Variants in SPTAN1 observed in about 807,000 individuals in gnomAD.
The protein encoded by SPTAN1 is spectrin alpha chain, non-erythrocytic 1.
A neutral mutation model predicts 331.3 loss-of-function variants in SPTAN1; 61 were observed. The ratio of observed to expected loss-of-function variants is 0.18; its 90% confidence interval spans 0.15 to 0.23. SPTAN1 has a LOEUF of 0.23. Among genes scored for constraint, SPTAN1 ranks in the 10% least tolerant of loss-of-function variants. The pLI, the probability that SPTAN1 is intolerant of heterozygous loss-of-function variation, is 1.00. For missense variants in SPTAN1, 2,043 were observed against 3,147.9 expected, an observed-to-expected ratio of 0.65 and a Z score of 8.40; for synonymous variants, 1,153 against 1,173.9, an observed-to-expected ratio of 0.98 and a Z score of 0.36.
chr9:128,585,871 A>G lies in SPTAN1; in HGVS notation c.2684A>G (p.Tyr895Cys). 1 of 1,614,100 alleles carries G rather than the reference A, an allele frequency of 6.2e-7. No individual in the cohort carries two copies. Among genetic ancestry groups the G allele is most frequent in the African/African-American group, 1.3e-5 (1 of 75,026 alleles). The change falls in exon 19 of 57, where the codon TAC (tyrosine) becomes TGC (cysteine). Residue 895 changes from tyrosine to cysteine, a missense_variant. Physicochemically the swap from Tyr to Cys is radical, Grantham distance 194. Around this residue, in one of 12 missense-constraint regions of SPTAN1, gnomAD observed 1,038 missense variants for 1,531.5 expected, o/e 0.68. Transcript: ENST00000372739. ...DLEDSLQAQQ[Y>C]FADANEAESW... ...GAGGACTCTCTGCAGGCCCAGCAGT[A>G]CTTTGCTGATGCTAACGAGGCTGAA...
chr9:128,560,961 AACCCAGATAGCATCACTGC>A (rs1179968095), intron 1 of SPTAN1, among the ~76,000 whole-genome samples: 4 of 135,656 alleles, frequency 2.9e-5, no homozygotes, highest in Non-Finnish European at 6.1e-5. Context: ...TGTTGCTGTG[AACCCAGATAGCATCACTGC>A]ACTCCAGCCT....
Position 128,617,951 on chromosome 9 carries a change from C to G in SPTAN1, c.5479-36C>G, listed in dbSNP as rs202015283. The stretch of plus-strand genomic sequence containing the variant: ...CTTCGAGACAGAAGCACCAGAAGAG[C>G]TACCTGCTGTTAACCTCCTCGTCCT... On this transcript the variant is annotated intron_variant, in intron 42 of 56. Coordinates refer to ENST00000372739, the MANE Select transcript of SPTAN1 (RefSeq NM_001130438.3). 1,412 of 1,614,136 alleles carry G rather than the reference C, an allele frequency of 8.7e-4. 1 individual carries two copies. The highest frequency in any genetic ancestry group is 1.7e-3 in the South Asian group (153 of 91,036).
At chr9:128,559,577 T>G (rs1029495120) in intron 1 of SPTAN1, among the ~76,000 whole-genome samples, 1 of 152,110 alleles carries the variant, frequency 6.6e-6, no homozygotes, top group South Asian at 2.1e-4. Context: ...CTTGGAAAAT[T>G]TCTTTACAAG....
intron 17 of SPTAN1, 22 bp from the exon 18 acceptor site, chr9:128,584,699 G>A (rs370439128): frequency 3.7e-5 from 60 of 1,614,076 alleles, no homozygotes; most frequent in Non-Finnish European, 4.6e-5. Context: ...TTGGATAACT[G>A]GGGACTGGTG....
chr9:128,613,862 G>A (rs898490039), intron 40 of SPTAN1, among the ~76,000 whole-genome samples: 5 of 151,964 alleles, frequency 3.3e-5, no homozygotes, highest in East Asian at 1.9e-4. Flanking sequence ...AAAATTAGCC[G>A]GGCGTGGTGG....
intron 22 of SPTAN1, among the ~76,000 whole-genome samples, chr9:128,592,424 GC>G (rs1853656952): frequency 6.6e-6 from 1 of 152,066 alleles, no homozygotes; most frequent in Non-Finnish European, 1.5e-5. Context: ...GCTGGCACAT[GC>G]CACCATGCCC....
chr9:128,594,095 C>T, intron 23 of SPTAN1, 80 bp from the exon 24 acceptor site: 2 of 1,349,078 alleles, frequency 1.5e-6, no homozygotes, highest in East Asian at 2.3e-5. Flanking sequence ...CTTGGAGACA[C>T]CTCGTGGTTT....
rs189339906 is a variant in SPTAN1 at position 128,620,365 on chromosome 9, T to G, written c.5734-793T>G. 3.8e-3 allele frequency among the ~76,000 whole-genome samples: 582 copies of G among 152,268 alleles called. 7 individuals carry two copies. The highest frequency in any genetic ancestry group is 0.013 in the African/African-American group (560 of 41,534). On this transcript the variant is annotated intron_variant, in intron 44 of 56. Transcript: ENST00000372739. ...CAGTCATTTCCCATCCTCTGCATAG[T>G]TGAGTTCCCTGGAAGCAACCAAAAA...
At chr9:128,624,078 C>T (rs1016946628) in intron 45 of SPTAN1, among the ~76,000 whole-genome samples, 2 of 121,250 alleles carry the variant, frequency 1.6e-5, no homozygotes, top group Non-Finnish European at 3.3e-5. Context: ...GTGAAATTCA[C>T]TCCGTCTCAA....
At chr9:128,611,649 C>G (rs1340520398) in intron 37 of SPTAN1, 65 bp from the exon 38 acceptor site, 8 of 1,599,998 alleles carry the variant, frequency 5.0e-6, no homozygotes, top group Non-Finnish European at 6.0e-6. Flanking sequence ...CTGAGAACCC[C>G]TTCCCCCTGA....
chr9:128,615,573 G>A (rs1857065610), intron 40 of SPTAN1, 59 bp from the exon 41 acceptor site: 3 of 1,584,616 alleles, frequency 1.9e-6, no homozygotes, highest in African/African-American at 2.7e-5. Context: ...GAGTTCTTAT[G>A]TTCAAGCAGA....
rs143969764 is a variant in SPTAN1 at position 128,617,624 on chromosome 9, C to T, written c.5358-16C>T. 501 of 1,614,132 alleles carry T rather than the reference C, an allele frequency of 3.1e-4. 4 individuals are homozygous for T. The African/African-American group carries it at 5.8e-3, about 19-fold the overall frequency. On this transcript the variant is annotated splice_polypyrimidine_tract_variant and intron_variant, in intron 41 of 56. Coordinates refer to ENST00000372739, the MANE Select transcript of SPTAN1 (RefSeq NM_001130438.3). Reference sequence around the variant, plus strand: ...GGTGCAGAGACTGACTGTGCTGTTTCCCATCTCTCATTCAGGGAGAAGAAG... The same window carrying T: ...GGTGCAGAGACTGACTGTGCTGTTTTCCATCTCTCATTCAGGGAGAAGAAG...
At chr9:128,623,858 G>A (rs1368146704) in intron 45 of SPTAN1, among the ~76,000 whole-genome samples, 3 of 151,500 alleles carry the variant, frequency 2.0e-5, no homozygotes, top group Non-Finnish European at 2.9e-5. Flanking sequence ...AGCCGAGGTG[G>A]GCAAATCACC....
chr9:128,553,955 TAGC>T (rs1324693240), intron 1 of SPTAN1, among the ~76,000 whole-genome samples: 1 of 152,108 alleles, frequency 6.6e-6, no homozygotes, highest in African/African-American at 2.4e-5. Context: ...ATCTTGGAAA[TAGC>T]AGGAGGAACA....
chr9:128,577,243 G>A lies in SPTAN1; in HGVS notation c.900G>A (p.Leu300=), dbSNP rs1317543381. The A allele has an allele frequency of 6.2e-7, 1 of 1,614,218 alleles. No homozygotes were observed. Among genetic ancestry groups the A allele is most frequent in the South Asian group, 1.1e-5 (1 of 91,082 alleles). ...VQALLRKHEG[L]ERDLAALEDK... ...CTCTGCTTCGGAAGCACGAGGGTCT[G>A]GAGAGAGATCTTGCTGCTCTAGAAG... Residue 300 remains leucine (L), a synonymous_variant, in exon 7 of 57, where the codon CTG becomes CTA. Coordinates refer to ENST00000372739, the MANE Select transcript of SPTAN1 (RefSeq NM_001130438.3). This position sits in a 1 kb window ranked among gnomAD's most constrained non-coding sequence, Gnocchi z 4.2.
chr9:128,594,017 C>T (rs1853886983), intron 23 of SPTAN1, 158 bp from the exon 24 acceptor site: 2 of 735,636 alleles, frequency 2.7e-6, no homozygotes, highest in South Asian at 3.0e-5. Flanking sequence ...ACTTGGGATC[C>T]TCGTCTTCAT....
In SPTAN1 at chr9:128,562,983, CATGTATGTGTATATATATATATATATAT is replaced by C. The variant is rs1483822857; in HGVS notation, c.-3-3752_-3-3725del. On this transcript the variant is annotated intron_variant, in intron 1 of 56. Coordinates refer to ENST00000372739, the MANE Select transcript of SPTAN1 (RefSeq NM_001130438.3). ...CCGTCTAAAAAAAAATATATATATA[CATGTATGTGTATATATATATATATATAT>C]ATATATATATATATATGTATATATT... is the stretch of plus-strand genomic sequence containing the variant. Among the ~76,000 whole-genome samples the C allele has an allele frequency of 1.4e-4, 17 of 120,802 alleles. 1 individual carries two copies. The highest frequency in any genetic ancestry group is 6.1e-4 in the African/African-American group (17 of 28,058). 79.3% of individuals were successfully genotyped at this position (120,802 alleles called of 152,430 possible).
intron 25 of SPTAN1, 180 bp downstream of exon 25, chr9:128,598,684 A>G: frequency 1.5e-6 from 1 of 660,130 alleles, no homozygotes; most frequent in South Asian, 1.7e-5. Flanking sequence ...CATATCCCTC[A>G]CTTTCACTTG....
At chr9:128,602,718 C>T (rs895565904) in intron 27 of SPTAN1, among the ~76,000 whole-genome samples, 1 of 152,094 alleles carries the variant, frequency 6.6e-6, no homozygotes, top group Non-Finnish European at 1.5e-5. Flanking sequence ...TCACTGCAAC[C>T]TCTGCCTCCC....
Sources: gnomAD v4.1 joint callset for allele counts (sites outside exome capture counted in the v4.1 genomes callset) on GRCh38, gnomAD v4.1.1 for gene constraint, gnomAD v4.1.1 regional missense constraint, Gnocchi (gnomAD v3.1) non-coding constraint, MANE v1.5 for transcripts, NCBI Gene and HGNC (gene_info 2026-07-23, HGNC 2026-07-21) for gene names.